HDAC4: variants seen among roughly 807,000 people sequenced by gnomAD.
HDAC4 encodes the protein histone deacetylase A.
Under a neutral mutation model 135.1 loss-of-function variants are expected in HDAC4, and 16 were observed. That is an observed-to-expected ratio of 0.12 (90% CI 0.08 to 0.18). The LOEUF (loss-of-function observed/expected upper bound fraction) is 0.18, where lower values mean the gene tolerates loss of function less well. Ranked by LOEUF, HDAC4 falls within the 10% of genes least tolerant of loss-of-function variation. HDAC4 has a pLI of 1.00. For synonymous variants in HDAC4, 685 were observed against 653.4 expected (o/e 1.05, Z -0.74); for missense variants, 1,143 against 1,511.8 (o/e 0.76, Z 4.05).
At chr2:239,160,719 G>A (rs1002125432) in intron 6 of HDAC4, among the ~76,000 whole-genome samples, 53 of 152,256 alleles carry the variant, frequency 3.5e-4, no homozygotes, top group African/African-American at 1.2e-3. Context: ...CCCAGTTTGC[G>A]CGGCCGTTCC....
intron 1 of HDAC4, among the ~76,000 whole-genome samples, chr2:239,373,597 G>A (rs2126017711): frequency 6.6e-6 from 1 of 152,224 alleles, no homozygotes; most frequent in Non-Finnish European, 1.5e-5. Context: ...CCAAGTAGCT[G>A]GGATTACAGG....
chr2:239,133,345 C>T (rs2040727741), intron 11 of HDAC4, among the ~76,000 whole-genome samples: 1 of 152,232 alleles, frequency 6.6e-6, no homozygotes, highest in Admixed American at 6.5e-5. Flanking sequence ...CAGAGTTTCA[C>T]AGGTGCAGCT....
intron 1 of HDAC4, among the ~76,000 whole-genome samples, chr2:239,378,435 C>G (rs962268260): frequency 6.6e-6 from 1 of 152,150 alleles, no homozygotes; most frequent in Non-Finnish European, 1.5e-5. Context: ...GCTGTTCTGA[C>G]ACTGCGCCAG....
intron 3 of HDAC4, among the ~76,000 whole-genome samples, chr2:239,209,215 A>G (rs2046232826): frequency 6.6e-6 from 1 of 152,218 alleles, no homozygotes; most frequent in Non-Finnish European, 1.5e-5. Flanking sequence ...GTCTAAATAA[A>G]TGGCAAGATA....
chr2:239,321,852 A>G (rs1331068145), intron 2 of HDAC4, among the ~76,000 whole-genome samples: 1 of 152,188 alleles, frequency 6.6e-6, no homozygotes. Flanking sequence ...CCCTGATGGC[A>G]CATCCGGTTG....
rs138895685 is a variant in HDAC4 at position 239,352,808 on chromosome 2, C to T, written c.-109G>A. 26 of 1,114,546 alleles carry T rather than the reference C, an allele frequency of 2.3e-5. No individual in the cohort carries two copies. The highest frequency in any genetic ancestry group is 2.0e-4 in the African/African-American group (13 of 64,654). 69.0% of individuals were successfully genotyped at this position (1,114,546 alleles called of 1,614,324 possible). A position where few individuals can be genotyped will look rare whatever the true frequency, so the allele number is the denominator to read the frequency against. ...CCACCAACACATACAAGTACCGGGA[C>T]GGTGAGGGCTGGGTCACAGACGTTC... On this transcript the variant is annotated 5_prime_UTR_variant, in exon 2 of 27. Transcript: ENST00000543185. This position sits in a 1 kb window ranked among gnomAD's most constrained non-coding sequence, Gnocchi z 4.4.
chr2:239,090,957 C>T (rs1356796760), intron 17 of HDAC4, among the ~76,000 whole-genome samples: 4 of 152,230 alleles, frequency 2.6e-5, no homozygotes, highest in Non-Finnish European at 4.4e-5. Context: ...TGTTGACCAG[C>T]GTAGCTAAGC....
At chr2:239,386,264 C>T (rs754317311) in intron 1 of HDAC4, among the ~76,000 whole-genome samples, 8 of 152,014 alleles carry the variant, frequency 5.3e-5, no homozygotes, top group Non-Finnish European at 1.2e-4. Flanking sequence ...GTCAAGGTCA[C>T]AGACACTGAG....
At chr2:239,159,763 G>C (rs1189461700) in intron 6 of HDAC4, among the ~76,000 whole-genome samples, 1 of 152,336 alleles carries the variant, frequency 6.6e-6, no homozygotes, top group Non-Finnish European at 1.5e-5. Flanking sequence ...AACCTACAGA[G>C]CTGCTCCCTC....
At chr2:239,123,423 G>T (rs902623320) in intron 12 of HDAC4, among the ~76,000 whole-genome samples, 3 of 152,154 alleles carry the variant, frequency 2.0e-5, no homozygotes, top group African/African-American at 7.2e-5. Context: ...AGCCTATTTT[G>T]TGGTGTCCAG....
intron 1 of HDAC4, among the ~76,000 whole-genome samples, chr2:239,378,893 T>C (rs1695215973): frequency 1.3e-5 from 2 of 152,208 alleles, no homozygotes; most frequent in Non-Finnish European, 2.9e-5. Context: ...CCAGGCCTCC[T>C]CGAAGACTGC....
Position 239,144,627 on chromosome 2 carries a change from C to T in HDAC4, c.821G>A (p.Gly274Glu). The T allele has an allele frequency of 6.2e-7, 1 of 1,614,200 alleles. No homozygotes were observed. Among genetic ancestry groups the T allele is most frequent in the Non-Finnish European group, 8.5e-7 (1 of 1,180,038 alleles). ...CTTTTTTAGAGCAGTGACCACTGGC[C>T]CGTCTTTCCTGCGTAACAGGGGGCT... ...RSSPLLRRKD[G>E]PVVTALKKRP... The change falls in exon 8 of 27, where the codon GGG (glycine) becomes GAG (glutamate). Residue 274 changes from glycine to glutamate, a missense_variant. This residue lies in a region of HDAC4 where 272 missense variants were observed against 309.7 expected (regional missense o/e 0.88). Transcript: ENST00000543185.
At position 239,400,657 on chromosome 2, in the gene HDAC4, A is replaced by C; in HGVS notation, c.-220+321T>G. 1 of 143,272 alleles carries C rather than the reference A, an allele frequency of 7.0e-6. No homozygotes were observed. The highest frequency in any genetic ancestry group is 2.2e-4 in the East Asian group (1 of 4,606). The allele number at this position is 143,272 out of a possible 1,614,324, so 8.9% of individuals were successfully genotyped here. On this transcript the variant is annotated intron_variant, in intron 1 of 26. Coordinates refer to ENST00000543185, the MANE Select transcript of HDAC4 (RefSeq NM_001378414.1). This position sits in a 1 kb window ranked among gnomAD's most constrained non-coding sequence, Gnocchi z 4.7. ...CGGGGCGCGGGGCGGGCGGCGGACA[A>C]TGGCCCGCGGGCGCCGGGCCGGGGC... is the stretch of plus-strand genomic sequence containing the variant.
intron 4 of HDAC4, among the ~76,000 whole-genome samples, chr2:239,177,113 T>C (rs970788610): frequency 2.6e-5 from 4 of 152,216 alleles, no homozygotes; most frequent in Non-Finnish European, 4.4e-5. Flanking sequence ...AGAAATGATG[T>C]GTGTTCATCA....
intron 5 of HDAC4, among the ~76,000 whole-genome samples, chr2:239,172,452 T>C (rs1256947778): frequency 6.6e-6 from 1 of 151,922 alleles, no homozygotes; most frequent in Non-Finnish European, 1.5e-5. Flanking sequence ...GCCAAACTAA[T>C]TGAAAGACAA....
At chr2:239,079,993 C>A (rs2035147468) in intron 22 of HDAC4, among the ~76,000 whole-genome samples, 1 of 148,732 alleles carries the variant, frequency 6.7e-6, no homozygotes, top group South Asian at 2.1e-4. Flanking sequence ...TGCAGACATG[C>A]ACATGGCTGT....
intron 2 of HDAC4, among the ~76,000 whole-genome samples, chr2:239,322,569 C>T (rs1403666947): frequency 6.6e-6 from 1 of 152,242 alleles, no homozygotes; most frequent in Non-Finnish European, 1.5e-5. Flanking sequence ...TACTGTTTGA[C>T]TTTCCCACTG....
intron 16 of HDAC4, among the ~76,000 whole-genome samples, chr2:239,099,528 G>A (rs1029188301): frequency 7.2e-5 from 11 of 152,210 alleles, no homozygotes; most frequent in South Asian, 2.1e-4. Flanking sequence ...AGGCAGTGAC[G>A]TTTCCTGGTA....
chr2:239,355,927 C>T (rs1443281055), intron 1 of HDAC4, among the ~76,000 whole-genome samples: 3 of 152,196 alleles, frequency 2.0e-5, no homozygotes, highest in Non-Finnish European at 4.4e-5. Flanking sequence ...CAGCTAGAAA[C>T]GGATTCTTCT....
Sources: allele counts gnomAD v4.1 joint callset (sites outside exome capture counted in the v4.1 genomes callset), GRCh38; gene constraint gnomAD v4.1.1; regional missense constraint gnomAD v4.1.1; non-coding constraint Gnocchi (gnomAD v3.1); transcripts MANE v1.5; gene names NCBI Gene and HGNC (gene_info 2026-07-23, HGNC 2026-07-21).